FBN3: variants seen among roughly 807,000 people sequenced by gnomAD.
The protein encoded by FBN3 is fibrillin 3, also known as fibrillin-3.
Under a neutral mutation model 330.1 loss-of-function variants are expected in FBN3, and 234 were observed. The observed-to-expected ratio is 0.71, with a 90% confidence interval of 0.64 to 0.79. FBN3 has a LOEUF of 0.79. Ranked by LOEUF, FBN3 falls within the 30% of genes least tolerant of loss-of-function variation. The probability of loss-of-function intolerance (pLI) is 0.00; values close to 1 mark genes in which losing one functional copy is unlikely to be tolerated. For synonymous variants in FBN3, 1,458 were observed against 1,517.3 expected, an observed-to-expected ratio of 0.96 and a Z score of 0.91; for missense variants, 3,606 against 3,886.9, an observed-to-expected ratio of 0.93 and a Z score of 1.92.
chr19:8,074,891 G>T, intron 61 of FBN3, 180 bp downstream of exon 61: 2 of 711,302 alleles, frequency 2.8e-6, no homozygotes, highest in Admixed American at 3.3e-5. Flanking sequence ...ACTTTTTGAT[G>T]CTTATTCTGC....
rs1312835476 is a variant in FBN3, at chr19:8,117,280, A to G, written c.3475T>C (p.Cys1159Arg). The G allele has an allele frequency of 7.0e-7, 1 of 1,426,780 alleles. No homozygotes were observed. Among genetic ancestry groups the G allele is most frequent in the Non-Finnish European group, 9.4e-7 (1 of 1,063,178 alleles). The allele number at this position is 1,426,780 out of a possible 1,614,324, so 88.4% of individuals were successfully genotyped here. A position where few individuals can be genotyped will look rare whatever the true frequency, so the allele number is the denominator to read the frequency against. ...TCACACCCACCATTCTGGACCCGGCATTCGTTGATGTCTGCAGGATGCAGG... is the reference window on the plus strand; with the variant it reads ...TCACACCCACCATTCTGGACCCGGCGTTCGTTGATGTCTGCAGGATGCAGG... ...DRQGCVDINE[C>R]RVQNGGCDVH... The change falls in exon 28 of 64, where the codon TGC (cysteine) becomes CGC (arginine). Residue 1159 changes from cysteine to arginine, a missense_variant. Cys to Arg is a radical substitution (Grantham distance 180). Coordinates refer to ENST00000600128, the MANE Select transcript of FBN3 (RefSeq NM_032447.5).
chr19:8,103,721 G>T, intron 38 of FBN3, 34 bp from the exon 39 acceptor site: 7 of 1,604,412 alleles, frequency 4.4e-6, no homozygotes, highest in Non-Finnish European at 6.0e-6. Context: ...GGGAACAGTG[G>T]GCAGCGTCCA....
intron 4 of FBN3, 93 bp from the exon 5 acceptor site, chr19:8,146,031 G>C: frequency 6.7e-7 from 1 of 1,483,034 alleles, no homozygotes; most frequent in Non-Finnish European, 9.2e-7. Flanking sequence ...GCTCAGCCCC[G>C]CTCCTGTCCT....
At chr19:8,084,527 C>A (rs1212110770) in intron 56 of FBN3, among the ~76,000 whole-genome samples, 1 of 151,954 alleles carries the variant, frequency 6.6e-6, no homozygotes, top group Admixed American at 6.6e-5. Context: ...GGAGAGCCAG[C>A]CTCTCCCACG....
chr19:8,101,660 C>T (rs2082330020), intron 40 of FBN3, among the ~76,000 whole-genome samples: 1 of 151,758 alleles, frequency 6.6e-6, no homozygotes, highest in African/African-American at 2.4e-5. Flanking sequence ...TTTACCGACC[C>T]CCTCCCACCC....
chr19:8,080,962 G>C, intron 59 of FBN3, 41 bp downstream of exon 59: 1 of 1,381,704 alleles, frequency 7.2e-7, no homozygotes, highest in African/African-American at 1.4e-5. Context: ...CTAATGCTGG[G>C]GTCATGGGTC....
chr19:8,074,388 G>A (rs1174102250), intron 61 of FBN3, among the ~76,000 whole-genome samples: 5 of 152,164 alleles, frequency 3.3e-5, no homozygotes, highest in Non-Finnish European at 5.9e-5. Flanking sequence ...GTGCCTGTGA[G>A]GCAGTGGGAG....
chr19:8,137,596 G>C (rs2145013917), intron 10 of FBN3, among the ~76,000 whole-genome samples: 1 of 141,738 alleles, frequency 7.1e-6, no homozygotes, highest in Admixed American at 7.3e-5. Context: ...CCCACCCAAA[G>C]CCCGAACTCT....
intron 1 of FBN3, chr19:8,148,792 T>C (rs1212259666): frequency 6.6e-6 from 1 of 152,218 alleles, no homozygotes; most frequent in Non-Finnish European, 1.5e-5. Flanking sequence ...CCTGTCAACG[T>C]TGGAGGGTTG....
chr19:8,105,403 G>A (rs539461695), intron 38 of FBN3, among the ~76,000 whole-genome samples: 6 of 151,952 alleles, frequency 3.9e-5, no homozygotes, highest in African/African-American at 1.2e-4. Flanking sequence ...GATTACAGGC[G>A]TGAGTCACCA....
intron 29 of FBN3, among the ~76,000 whole-genome samples, chr19:8,116,153 T>C (rs12460407): frequency 0.23 from 35,294 of 152,058 alleles, 4,582 homozygotes; most frequent in East Asian, 0.37. Context: ...ACATTGTTAC[T>C]TCCCGGAACT....
At chr19:8,135,887 A>G (rs62123270) in intron 13 of FBN3, 74 bp downstream of exon 13, 19,342 of 1,450,044 alleles carry the variant, frequency 0.013, 162 homozygotes, top group Non-Finnish European at 0.016. Flanking sequence ...GGGCACAGTG[A>G]AGATTTGAGG....
chr19:8,102,422 T>G (rs1230721741), intron 40 of FBN3, among the ~76,000 whole-genome samples: 1 of 152,112 alleles, frequency 6.6e-6, no homozygotes, highest in Non-Finnish European at 1.5e-5. Flanking sequence ...TTCACTGTGT[T>G]GGCCAGGCTG....
chr19:8,117,948 G>A (rs2082744287), intron 26 of FBN3, among the ~76,000 whole-genome samples: 1 of 151,536 alleles, frequency 6.6e-6, no homozygotes, highest in South Asian at 2.1e-4. Context: ...ATATCCACTT[G>A]CACACAAATA....
chr19:8,130,800 G>C (rs1174218084), intron 16 of FBN3, among the ~76,000 whole-genome samples: 3 of 151,504 alleles, frequency 2.0e-5, no homozygotes, highest in Non-Finnish European at 4.4e-5. Flanking sequence ...AGTTTGCAGT[G>C]AGCCGTGATT....
chr19:8,076,278 G>A lies in FBN3; in HGVS notation c.7454-867C>T, dbSNP rs573879160. On this transcript the variant is annotated intron_variant, in intron 59 of 63. Transcript: ENST00000600128. ...TGTGTGTGTGTGTGTGTGTGTGTGT[G>A]TAAGCTATTGTTTTAAACTGAATAG... Among the ~76,000 whole-genome samples, 169 of 151,930 alleles carry A rather than the reference G, an allele frequency of 1.1e-3. 1 individual carries two copies. The highest frequency in any genetic ancestry group is 3.8e-3 in the African/African-American group (158 of 41,410).
intron 61 of FBN3, among the ~76,000 whole-genome samples, chr19:8,073,581 G>C (rs2081572724): frequency 6.6e-6 from 1 of 152,178 alleles, no homozygotes; most frequent in Admixed American, 6.5e-5. Context: ...TTGACACTTG[G>C]GGCCAGATCA....
Position 8,065,651 on chromosome 19 carries a change from C to T in FBN3, c.*268G>A. The T allele has an allele frequency of 6.3e-6, 3 of 479,872 alleles. No homozygotes were observed. Among genetic ancestry groups the T allele is most frequent in the Non-Finnish European group, 7.3e-6 (2 of 273,138 alleles). 29.7% of individuals were successfully genotyped at this position (479,872 alleles called of 1,614,324 possible). A position where few individuals can be genotyped will look rare whatever the true frequency, so the allele number is the denominator to read the frequency against. ...TTGGCCAGACACGGTGACCACAGGG[C>T]CTCTTCCTGACCTTGGCTGTGGGGG... On this transcript the variant is annotated 3_prime_UTR_variant, in exon 64 of 64. Coordinates refer to ENST00000600128, the MANE Select transcript of FBN3 (RefSeq NM_032447.5).
chr19:8,121,752 TTTATTTAC>T lies in FBN3; in HGVS notation c.3083-374_3083-367del, dbSNP rs2082857183. Among the ~76,000 whole-genome samples, 1 of 152,050 alleles carries T rather than the reference TTTATTTAC, an allele frequency of 6.6e-6. No homozygotes were observed. The highest frequency in any genetic ancestry group is 1.5e-5 in the Non-Finnish European group (1 of 68,022). ...TTATTTTATTTTTATTACTTATTTA[TTTATTTAC>T]TTTTTTAGAGACAGAGTCTTGCTCT... is the stretch of plus-strand genomic sequence containing the variant. On this transcript the variant is annotated intron_variant, in intron 24 of 63. Coordinates refer to ENST00000600128, the MANE Select transcript of FBN3 (RefSeq NM_032447.5). The surrounding 1 kb of genome is among the most constrained non-coding windows in gnomAD (Gnocchi z 4.5).
Sources: allele counts gnomAD v4.1 joint callset (sites outside exome capture counted in the v4.1 genomes callset), GRCh38; gene constraint gnomAD v4.1.1; non-coding constraint Gnocchi (gnomAD v3.1); transcripts MANE v1.5; gene names NCBI Gene and HGNC (gene_info 2026-07-23, HGNC 2026-07-21).